Variants in ZNF516 observed in about 807,000 individuals in gnomAD.
ZNF516 encodes the protein zinc finger protein 516.
Under a neutral mutation model 79.7 loss-of-function variants are expected in ZNF516, and 19 were observed. The ratio of observed to expected loss-of-function variants is 0.24; its 90% confidence interval spans 0.17 to 0.35. The LOEUF (loss-of-function observed/expected upper bound fraction) is 0.35, where lower values mean the gene tolerates loss of function less well. Ranked by LOEUF, ZNF516 falls within the 10% of genes least tolerant of loss-of-function variation. The pLI is 1.00. For synonymous variants in ZNF516, 877 were observed against 739.5 expected, an observed-to-expected ratio of 1.19 and a Z score of -3.02; for missense variants, 1,678 against 1,679.5, an observed-to-expected ratio of 1.00 and a Z score of 0.02.
At chr18:76,408,324 T>C (rs1274304615) in intron 3 of ZNF516, among the ~76,000 whole-genome samples, 1 of 152,204 alleles carries the variant, frequency 6.6e-6, no homozygotes, top group Non-Finnish European at 1.5e-5. Flanking sequence ...CAAGAGGTGC[T>C]GCAGGCTGGT....
Position 76,441,641 on chromosome 18 carries a change from C to T in ZNF516, c.1414G>A (p.Ala472Thr). 1 of 1,525,278 alleles carries T rather than the reference C, an allele frequency of 6.6e-7. No homozygotes were observed. Among genetic ancestry groups the T allele is most frequent in the Non-Finnish European group, 8.8e-7 (1 of 1,136,546 alleles). The allele number at this position is 1,525,278 out of a possible 1,614,324, so 94.5% of individuals were successfully genotyped here. Residue 472 changes from alanine to threonine, a missense_variant, in exon 3 of 7, where the codon GCC (alanine) becomes ACC (threonine). Transcript: ENST00000443185. ...EKRKREQDAP[A>T]AQGPPRKRAS... ...CGCTTCCGCGGGGGCCCCTGCGCGG[C>T]TGGTGCATCCTGCTCACGCTTGCGC...
chr18:76,421,815 T>G (rs998242832), intron 3 of ZNF516, among the ~76,000 whole-genome samples: 1 of 152,190 alleles, frequency 6.6e-6, no homozygotes, highest in Non-Finnish European at 1.5e-5. Flanking sequence ...ATAAGTATTT[T>G]CAAAGCAAAG....
chr18:76,474,372 GT>G (rs1000838161), intron 1 of ZNF516, among the ~76,000 whole-genome samples: 2 of 152,056 alleles, frequency 1.3e-5, no homozygotes, highest in Admixed American at 1.3e-4. Flanking sequence ...AACAGTACAG[GT>G]CCCAGGAGCT....
chr18:76,434,152 G>C lies in ZNF516; in HGVS notation c.1810+7093C>G, dbSNP rs181402675. ...TGGTCCATGAGATGCCCTATCTCAC[G>C]GGAACGGGGTGCAAGAACCAAATTC... On this transcript the variant is annotated intron_variant, in intron 3 of 6. Coordinates refer to ENST00000443185, the MANE Select transcript of ZNF516 (RefSeq NM_014643.4). Among the ~76,000 whole-genome samples, 324 of 152,266 alleles carry C rather than the reference G, an allele frequency of 2.1e-3. 3 individuals are homozygous for C. Among genetic ancestry groups the C allele is most frequent in the Non-Finnish European group, 3.8e-3 (261 of 68,034 alleles).
intron 3 of ZNF516, among the ~76,000 whole-genome samples, chr18:76,440,346 C>T (rs2075798342): frequency 1.3e-5 from 2 of 152,186 alleles, no homozygotes; most frequent in Non-Finnish European, 2.9e-5. Flanking sequence ...AGCCCTGCCC[C>T]GGGCTTGGAT....
At chr18:76,408,989 C>G (rs1197152895) in intron 3 of ZNF516, among the ~76,000 whole-genome samples, 1 of 152,132 alleles carries the variant, frequency 6.6e-6, no homozygotes, top group African/African-American at 2.4e-5. Context: ...ATATTCTTAT[C>G]TATCTAACCT....
At chr18:76,489,349 T>C (rs1332730844) in intron 1 of ZNF516, among the ~76,000 whole-genome samples, 1 of 152,226 alleles carries the variant, frequency 6.6e-6, no homozygotes, top group Non-Finnish European at 1.5e-5. Flanking sequence ...GTATACCTCA[T>C]TTCAAAGTAT....
At chr18:76,419,787 T>C (rs966499793) in intron 3 of ZNF516, among the ~76,000 whole-genome samples, 1 of 152,236 alleles carries the variant, frequency 6.6e-6, no homozygotes, top group East Asian at 1.9e-4. Flanking sequence ...TAAACCTCTT[T>C]CCTTTATAAC....
At chr18:76,398,916 A>G (rs1300063987) in intron 3 of ZNF516, among the ~76,000 whole-genome samples, 1 of 152,256 alleles carries the variant, frequency 6.6e-6, no homozygotes, top group African/African-American at 2.4e-5. Flanking sequence ...AGTCTTTAAA[A>G]AAAAAAATCA....
At chr18:76,401,251 T>C (rs1411639308) in intron 3 of ZNF516, among the ~76,000 whole-genome samples, 3 of 788 alleles carry the variant, frequency 3.8e-3, no homozygotes, top group African/African-American at 8.6e-3. Context: ...AATTTATCTT[T>C]TTTTTTTTTT....
At chr18:76,378,749 C>G in intron 4 of ZNF516, 106 bp downstream of exon 4, 1 of 1,458,808 alleles carries the variant, frequency 6.9e-7, no homozygotes, top group South Asian at 1.4e-5. Context: ...CCGGCTGGCT[C>G]TGTCCTCAGG....
chr18:76,412,631 A>G (rs1247810166), intron 3 of ZNF516, among the ~76,000 whole-genome samples: 1 of 152,180 alleles, frequency 6.6e-6, no homozygotes, highest in Non-Finnish European at 1.5e-5. Flanking sequence ...AGGCCGGAGG[A>G]TAAGGACACA....
intron 3 of ZNF516, among the ~76,000 whole-genome samples, chr18:76,396,858 C>T (rs980907736): frequency 6.6e-6 from 1 of 152,106 alleles, no homozygotes; most frequent in African/African-American, 2.4e-5. Context: ...AGAAAATGCA[C>T]GAGGAAAAGT....
chr18:76,471,255 GA>G (rs533579669), intron 1 of ZNF516, among the ~76,000 whole-genome samples: 288 of 140,122 alleles, frequency 2.1e-3, no homozygotes, highest in Middle Eastern at 0.011. Flanking sequence ...CCTCCACACG[GA>G]AAAAAAAAAA....
At chr18:76,395,219 G>C (rs1474495162) in intron 3 of ZNF516, among the ~76,000 whole-genome samples, 2 of 152,212 alleles carry the variant, frequency 1.3e-5, no homozygotes, top group African/African-American at 4.8e-5. Context: ...AGGCACTCCT[G>C]CTGCCGCAGG....
chr18:76,363,520 G>A (rs189790604), intron 6 of ZNF516, among the ~76,000 whole-genome samples: 252 of 152,296 alleles, frequency 1.7e-3, no homozygotes, highest in African/African-American at 5.8e-3. Context: ...GTGGAAGTCA[G>A]AAAGATACTG....
chr18:76,375,195 G>A (rs1351699528), intron 4 of ZNF516, among the ~76,000 whole-genome samples: 1 of 152,164 alleles, frequency 6.6e-6, no homozygotes, highest in Non-Finnish European at 1.5e-5. Flanking sequence ...TTTCCTTCTG[G>A]CTACAACACT....
At chr18:76,452,826 A>T (rs1230607995) in intron 2 of ZNF516, among the ~76,000 whole-genome samples, 1 of 152,204 alleles carries the variant, frequency 6.6e-6, no homozygotes, top group African/African-American at 2.4e-5. Context: ...TATGGATTAC[A>T]TTCAGAAAAG....
At chr18:76,482,115 T>A (rs1568328569) in intron 1 of ZNF516, among the ~76,000 whole-genome samples, 1 of 152,138 alleles carries the variant, frequency 6.6e-6, no homozygotes, top group East Asian at 1.9e-4. Flanking sequence ...AAAGAAGCTT[T>A]TCCTTCATGG....
Sources: allele counts gnomAD v4.1 joint callset (sites outside exome capture counted in the v4.1 genomes callset), GRCh38; gene constraint gnomAD v4.1.1; transcripts MANE v1.5; gene names NCBI Gene and HGNC (gene_info 2026-07-23, HGNC 2026-07-21).